TTN: variants seen among roughly 807,000 people sequenced by gnomAD.
The protein encoded by TTN is connectin.
A neutral mutation model predicts 3,223.0 loss-of-function variants in TTN; 1,525 were observed. The observed-to-expected ratio is 0.47, with a 90% confidence interval of 0.45 to 0.49. TTN has a LOEUF of 0.49. TTN is among the 20% of genes least tolerant of loss of function. The probability of loss-of-function intolerance (pLI) is 0.00; values close to 1 mark genes in which losing one functional copy is unlikely to be tolerated. For synonymous variants in TTN, 14,094 were observed against 15,161.0 expected (o/e 0.93, Z 5.17); for missense variants, 40,786 against 43,424.0 (o/e 0.94, Z 5.40).
Position 178,715,058 on chromosome 2 carries a change from T to A in TTN, c.26128A>T (p.Ile8710Phe). 6.2e-7 allele frequency: 1 copy of A among 1,613,662 alleles called. No individual in the cohort carries two copies. The highest frequency in any genetic ancestry group is 8.5e-7 in the Non-Finnish European group (1 of 1,179,666). The change falls in exon 90 of 363, where the codon ATT becomes TTT. Residue 8710 changes from isoleucine to phenylalanine, a missense_variant. Physicochemically the swap from Ile to Phe is conservative, Grantham distance 21 (BLOSUM62 0). Coordinates refer to ENST00000589042, the MANE Select transcript of TTN (RefSeq NM_001267550.2). ...GTGGCTTTACACTGATATTCCCCAA[T>A]GTCTGCAGCATCGACATTCAGGATG... is the stretch of plus-strand genomic sequence containing the variant. ...IHILNVDAAD[I>F]GEYQCKATND...
rs140003804 is a variant in TTN, at chr2:178,714,308, G to C, written c.26466C>G (p.Ala8822=). ...TTTACTAACCGAGAACGGATAGCGTGGCGAAGCACTCTTGCATCCCAGCAT... is the reference window on the plus strand; with the variant it reads ...TTTACTAACCGAGAACGGATAGCGTCGCGAAGCACTCTTGCATCCCAGCAT... ...KNDAGMQECF[A]TLSVLEPATI... The change falls in exon 91 of 363, where the codon GCC becomes GCG. Residue 8822 remains alanine (A), a synonymous_variant. Coordinates refer to ENST00000589042, the MANE Select transcript of TTN (RefSeq NM_001267550.2). The C allele has an allele frequency of 5.0e-4, 807 of 1,612,818 alleles. 5 individuals are homozygous for C. In the African/African-American group the frequency reaches 9.4e-3, roughly 19 times the overall value.
Position 178,630,616 on chromosome 2 carries a change from G to A in TTN, c.44154+188C>T, listed in dbSNP as rs144088142. On this transcript the variant is annotated intron_variant, in intron 238 of 362. Transcript: ENST00000589042. ...TCTACAACCTTATACTCACTCTGCT[G>A]GATCAAAAGTAATGCAAGTGTGCCA... 1.8e-3 allele frequency among the ~76,000 whole-genome samples: 275 copies of A among 152,128 alleles called. 5 individuals carry two copies. The South Asian group carries it at 0.024, about 13-fold the overall frequency.
chr2:178,684,439 G>T (rs996643621), intron 131 of TTN, 26 bp from the exon 132 acceptor site: 2 of 1,605,556 alleles, frequency 1.2e-6, no homozygotes, highest in Non-Finnish European at 1.7e-6. Context: ...TAGGATTAGG[G>T]AGTTATATCA....
At chr2:178,760,302 C>T (rs1029637954) in intron 43 of TTN, among the ~76,000 whole-genome samples, 2 of 152,122 alleles carry the variant, frequency 1.3e-5, no homozygotes, top group Non-Finnish European at 2.9e-5. Flanking sequence ...GAGGCTGAGG[C>T]GGGCAGATCA....
Position 178,535,789 on chromosome 2 carries a change from C to T in TTN, c.100826G>A (p.Arg33609Gln), listed in dbSNP as rs771243505. The T allele has an allele frequency of 1.3e-5, 21 of 1,611,894 alleles. No homozygotes were observed. Among genetic ancestry groups the T allele is most frequent in the Middle Eastern group, 1.6e-4 (1 of 6,080 alleles). The change falls in exon 358 of 363, where the codon CGA becomes CAA. Residue 33609 changes from arginine to glutamine, a missense_variant. Arg to Gln is a conservative substitution (Grantham distance 43, BLOSUM62 1). Transcript: ENST00000589042. Reference sequence around the variant, plus strand: ...AATCTTGATGCTGACCACTTCACCTCGGAGAGCATGAACTGCTCCCATGCC... The same window carrying T: ...AATCTTGATGCTGACCACTTCACCTTGGAGAGCATGAACTGCTCCCATGCC... ...LEGMGAVHAL[R>Q]GEVVSIKIPF...
intron 120 of TTN, 145 bp from the exon 121 acceptor site, chr2:178,692,244 G>T: frequency 1.2e-6 from 1 of 867,958 alleles, no homozygotes; most frequent in Non-Finnish European, 1.8e-6. Context: ...AGAAATGAAA[G>T]CTAAATACCT....
At position 178,665,409 on chromosome 2, in the gene TTN, A is replaced by G. The variant is rs1045086155; in HGVS notation, c.36011T>C (p.Val12004Ala). The change falls in exon 165 of 363, where the codon GTA becomes GCA. Residue 12004 changes from valine to alanine, a missense_variant. By Grantham distance (64) the Val-to-Ala change is moderately conservative. Coordinates refer to ENST00000589042, the MANE Select transcript of TTN (RefSeq NM_001267550.2). ...VVPEMKIFED[V>A]PEEPETPRMK... is the part of the protein sequence containing the mutation. ...ACGTGGAGTTTCTGGCTCTTCAGGT[A>G]CATCCTCAAATATTTTCATTTCAGG... is the stretch of plus-strand genomic sequence containing the variant. 6.2e-7 allele frequency: 1 copy of G among 1,612,382 alleles called. No homozygotes were observed. The highest frequency in any genetic ancestry group is 1.3e-5 in the African/African-American group (1 of 74,938).
In TTN at chr2:178,530,954, C is replaced by A; in HGVS notation, c.105661G>T (p.Ala35221Ser). The change falls in exon 358 of 363, where the codon GCC becomes TCC. Residue 35221 changes from alanine (A) to serine (S), a missense_variant. Physicochemically the swap from Ala to Ser is moderately conservative, Grantham distance 99. Transcript: ENST00000589042. ...GTCACAGCCTTTTCAGTTACCCTGG[C>A]CTTTTGAATAGTCAGAGTGAACTCT... is the stretch of plus-strand genomic sequence containing the variant. ...EAEFTLTIQK[A>S]RVTEKAVTSP... is the part of the protein sequence containing the mutation. The A allele has an allele frequency of 6.2e-7, 1 of 1,613,878 alleles. No homozygotes were observed. The highest frequency in any genetic ancestry group is 1.1e-5 in the South Asian group (1 of 91,060).
In TTN at chr2:178,780,149, T is replaced by C. The variant is rs1170907943; in HGVS notation, c.3580A>G (p.Thr1194Ala). The C allele has an allele frequency of 6.2e-7, 1 of 1,613,880 alleles. No homozygotes were observed. Among genetic ancestry groups the C allele is most frequent in the Non-Finnish European group, 8.5e-7 (1 of 1,179,862 alleles). ...ACTTTAGGTTCTTGAACAAATGCAG[T>C]CACTTGTGTCTGATAAAGCATTTCT... The part of the protein sequence containing the change: ...QQEMLYQTQV[T>A]AFVQEPKVGE... The change falls in exon 22 of 363, where the codon ACT (threonine) becomes GCT (alanine). Residue 1194 changes from threonine to alanine, a missense_variant. By Grantham distance (58) the Thr-to-Ala change is moderately conservative. Coordinates refer to ENST00000589042, the MANE Select transcript of TTN (RefSeq NM_001267550.2).
chr2:178,703,853 A>G (rs544068549), intron 106 of TTN, among the ~76,000 whole-genome samples: 1 of 152,196 alleles, frequency 6.6e-6, no homozygotes. Context: ...TCTTTCTACA[A>G]TCCTAGATAT....
rs1222802875 is a variant in TTN, at chr2:178,585,268, T to G, written c.64476A>C (p.Gly21492=). The G allele has an allele frequency of 6.2e-7, 1 of 1,613,106 alleles. No individual in the cohort carries two copies. Among genetic ancestry groups the G allele is most frequent in the Non-Finnish European group, 8.5e-7 (1 of 1,179,412 alleles). The part of the protein sequence containing the change: ...KKLRIEAHVY[G]KPHPTCKWKK... ...TCCATTTACAGGTGGGATGAGGCTT[T>G]CCATACACATGGGCTTCAATTCGGA... Residue 21492 remains glycine, a synonymous_variant, in exon 309 of 363, where the codon GGA becomes GGC. Coordinates refer to ENST00000589042, the MANE Select transcript of TTN (RefSeq NM_001267550.2).
Position 178,781,165 on chromosome 2 carries a change from T to C in TTN, c.3479A>G (p.Asn1160Ser), listed in dbSNP as rs1292982774. The C allele has an allele frequency of 1.2e-6, 2 of 1,614,066 alleles. No homozygotes were observed. The highest frequency in any genetic ancestry group is 1.7e-5 in the Admixed American group (1 of 60,024). The part of the protein sequence containing the change: ...DAGEYTIVVR[N>S]KHGETSASAS... Reference sequence around the variant, plus strand: ...AGATGCAGAAGTTTCTCCATGCTTATTGCGAACAACAATAGTGTATTCTCC... The same window carrying C: ...AGATGCAGAAGTTTCTCCATGCTTACTGCGAACAACAATAGTGTATTCTCC... The change falls in exon 21 of 363, where the codon AAT (asparagine) becomes AGT (serine). Residue 1160 changes from asparagine (N) to serine (S), a missense_variant. Transcript: ENST00000589042.
At chr2:178,801,946 G>A (rs2154359694) in intron 3 of TTN, among the ~76,000 whole-genome samples, 192 bp downstream of exon 3, 1 of 152,200 alleles carries the variant, frequency 6.6e-6, no homozygotes, top group Non-Finnish European at 1.5e-5. Context: ...TCACTTTTAC[G>A]ATGTACTCTA....
intron 80 of TTN, 26 bp from the exon 81 acceptor site, chr2:178,720,290 G>A (rs1359487156): frequency 2.5e-6 from 4 of 1,595,726 alleles, no homozygotes; most frequent in Non-Finnish European, 3.4e-6. Context: ...TGTGGTTAGA[G>A]GAAAAAATGT....
rs2048083066 is a variant in TTN at position 178,582,792 on chromosome 2, T to TA, written c.65863+147dup. The TA allele has an allele frequency of 4.3e-6, 4 of 925,180 alleles. No individual in the cohort carries two copies. The Middle Eastern group carries it at 1.4e-3, about 316-fold the overall frequency. The allele number at this position is 925,180 out of a possible 1,614,324, so 57.3% of individuals were successfully genotyped here. ...TGATTTCTAAAGCTCTTTTTAACTCTAAAACGTGGTTCTGTCATAAGAATA... is the reference window on the plus strand; with the variant it reads ...TGATTTCTAAAGCTCTTTTTAACTCTAAAAACGTGGTTCTGTCATAAGAATA... On this transcript the variant is annotated intron_variant, in intron 313 of 362. Coordinates refer to ENST00000589042, the MANE Select transcript of TTN (RefSeq NM_001267550.2).
Position 178,572,380 on chromosome 2 carries a change from T to C in TTN, c.73752A>G (p.Gln24584=). 1 of 1,613,168 alleles carries C rather than the reference T, an allele frequency of 6.2e-7. No homozygotes were observed. Among genetic ancestry groups the C allele is most frequent in the South Asian group, 1.1e-5 (1 of 91,058 alleles). ...CCCTGAAATAGTAGCTACAGCCTTCTTGAAGCTGGTCTACCTTCCAGGAAG... is the reference window on the plus strand; with the variant it reads ...CCCTGAAATAGTAGCTACAGCCTTCCTGAAGCTGGTCTACCTTCCAGGAAG... ...HKTSWKVDQL[Q]EGCSYYFRVL... Residue 24584 remains glutamine (Q), a synonymous_variant, in exon 326 of 363, where the codon CAA becomes CAG. Transcript: ENST00000589042.
chr2:178,798,068 AC>A lies in TTN; in HGVS notation c.914+1418del, dbSNP rs146696998. Among the ~76,000 whole-genome samples the A allele has an allele frequency of 3.8e-3, 579 of 152,008 alleles. 6 individuals are homozygous for A. Among genetic ancestry groups the A allele is most frequent in the African/African-American group, 0.013 (537 of 41,460 alleles). On this transcript the variant is annotated intron_variant, in intron 6 of 362. Coordinates refer to ENST00000589042, the MANE Select transcript of TTN (RefSeq NM_001267550.2). ...TTCCCTATATACTTGGATCTATTAT[AC>A]TTGGATCTCTTTCTGGACTCTCTGT...
Position 178,593,883 on chromosome 2 carries a change from A to AG in TTN, c.58433-17_58433-16insC. The AG allele has an allele frequency of 1.2e-6, 2 of 1,607,468 alleles. No individual in the cohort carries two copies. The highest frequency in any genetic ancestry group is 1.7e-6 in the Non-Finnish European group (2 of 1,178,288). On this transcript the variant is annotated splice_polypyrimidine_tract_variant and intron_variant, in intron 297 of 362. Transcript: ENST00000589042. ...CCAGGACGGTCTGCAGAAAAAAAAA[A>AG]TCATGGCACAAAATGTTATTGCCAT...
chr2:178,731,275 T>C, intron 59 of TTN, 30 bp downstream of exon 59: 1 of 1,611,776 alleles, frequency 6.2e-7, no homozygotes, highest in Non-Finnish European at 8.5e-7. Flanking sequence ...CATTTCTTCC[T>C]CAAACCCAAG....
Sources: gnomAD v4.1 joint callset for allele counts (sites outside exome capture counted in the v4.1 genomes callset) on GRCh38, gnomAD v4.1.1 for gene constraint, MANE v1.5 for transcripts, NCBI Gene and HGNC (gene_info 2026-07-23, HGNC 2026-07-21) for gene names.